Variants in ST7 observed in about 807,000 individuals in gnomAD.
ST7 encodes suppression of tumorigenicity 7.
ST7 carries 28 observed loss-of-function variants against 78.7 expected under a neutral mutation model. The ratio of observed to expected loss-of-function variants is 0.36; its 90% CI spans 0.26 to 0.49. The LOEUF (loss-of-function observed/expected upper bound fraction) is 0.49, where lower values mean the gene tolerates loss of function less well. Ranked by LOEUF, ST7 falls within the 20% of genes least tolerant of loss-of-function variation. ST7 has a pLI of 0.99. For synonymous variants in ST7, 247 were observed against 249.6 expected, an observed-to-expected ratio of 0.99 and a Z score of 0.10; for missense variants, 418 against 696.0, an observed-to-expected ratio of 0.60 and a Z score of 4.49.
At chr7:117,158,497 T>A (rs1806875147) in intron 9 of ST7, among the ~76,000 whole-genome samples, 1 of 152,230 alleles carries the variant, frequency 6.6e-6, no homozygotes, top group African/African-American at 2.4e-5. Context: ...TTCTCTTTAG[T>A]TCTCAATGAT....
intron 1 of ST7, among the ~76,000 whole-genome samples, chr7:116,964,821 A>T (rs900538637): frequency 1.8e-4 from 28 of 152,334 alleles, no homozygotes; most frequent in African/African-American, 6.5e-4. Flanking sequence ...CCAAACTGGA[A>T]GTTGTATATG....
At chr7:117,112,814 G>A (rs556316120) in intron 2 of ST7, 1 of 152,370 alleles carries the variant, frequency 6.6e-6, no homozygotes, top group East Asian at 1.9e-4. Context: ...TGAGAGAGAT[G>A]CTGTGAGGGC....
At chr7:116,978,997 A>G (rs1245535221) in intron 1 of ST7, among the ~76,000 whole-genome samples, 3 of 152,226 alleles carry the variant, frequency 2.0e-5, no homozygotes, top group Non-Finnish European at 4.4e-5. Context: ...AGGATAGCAC[A>G]GTACCCTGGA....
At chr7:116,978,659 C>T (rs1210330133) in intron 1 of ST7, among the ~76,000 whole-genome samples, 1 of 152,074 alleles carries the variant, frequency 6.6e-6, no homozygotes, top group Non-Finnish European at 1.5e-5. Flanking sequence ...AATCTTGGCT[C>T]ACTGCAAACC....
intron 1 of ST7, among the ~76,000 whole-genome samples, chr7:117,015,278 T>C (rs1333876006): frequency 5.9e-5 from 9 of 152,192 alleles, no homozygotes; most frequent in Admixed American, 2.6e-4. Context: ...CTCCAACCCA[T>C]AGTTAATCCA....
intron 2 of ST7, among the ~76,000 whole-genome samples, chr7:117,105,555 T>C (rs529389414): frequency 1.2e-4 from 19 of 152,332 alleles, no homozygotes; most frequent in African/African-American, 4.3e-4. Flanking sequence ...GTGCTGGGAT[T>C]ACAGGCGTGA....
intron 13 of ST7, among the ~76,000 whole-genome samples, chr7:117,212,459 A>G (rs570431293): frequency 6.6e-6 from 1 of 152,334 alleles, no homozygotes; most frequent in Admixed American, 6.5e-5. Context: ...TGAAATTTAC[A>G]TCACTACTTA....
chr7:117,194,022 C>T (rs1334851117), intron 12 of ST7, among the ~76,000 whole-genome samples: 4 of 152,170 alleles, frequency 2.6e-5, no homozygotes, highest in Non-Finnish European at 5.9e-5. Context: ...GGAAGTGTTG[C>T]TCCTTACTAC....
chr7:117,050,035 T>A (rs1797693505), intron 1 of ST7, among the ~76,000 whole-genome samples: 1 of 143,556 alleles, frequency 7.0e-6, no homozygotes, highest in Non-Finnish European at 1.5e-5. Flanking sequence ...TGAAACCCTG[T>A]CTCTACTAAA....
At chr7:117,122,785 C>A (rs1454073189) in intron 3 of ST7, among the ~76,000 whole-genome samples, 2 of 152,152 alleles carry the variant, frequency 1.3e-5, no homozygotes, top group Non-Finnish European at 2.9e-5. Flanking sequence ...TGCCAGATAC[C>A]ACTGGAATAA....
At chr7:117,125,478 A>AT (rs1241446980) in intron 3 of ST7, among the ~76,000 whole-genome samples, 2 of 152,084 alleles carry the variant, frequency 1.3e-5, no homozygotes, top group African/African-American at 4.8e-5. Context: ...CTACCTACAT[A>AT]TTTTTGTGCC....
At chr7:116,994,096 GT>G (rs1187494713) in intron 1 of ST7, among the ~76,000 whole-genome samples, 1 of 152,130 alleles carries the variant, frequency 6.6e-6, no homozygotes, top group Non-Finnish European at 1.5e-5. Context: ...CGTCACCACT[GT>G]TTATCTCTAG....
At chr7:116,979,958 C>CTCTTTTT (rs1554421171) in intron 1 of ST7, among the ~76,000 whole-genome samples, 4 of 86,240 alleles carry the variant, frequency 4.6e-5, no homozygotes, top group African/African-American at 1.3e-4. Context: ...TTTTGTTTCT[C>CTCTTTTT]TTTTTTTTTT....
intron 12 of ST7, among the ~76,000 whole-genome samples, chr7:117,195,715 C>T (rs562484761): frequency 3.2e-4 from 48 of 152,218 alleles, no homozygotes; most frequent in Admixed American, 3.0e-3. Context: ...TGCAGATAAC[C>T]GCTCCCATGA....
chr7:117,117,878 C>G (rs1803014926), intron 2 of ST7: 1 of 152,170 alleles, frequency 6.6e-6, no homozygotes, highest in South Asian at 2.1e-4. Context: ...GTTGAAGAAA[C>G]CGACGTTCAG....
intron 10 of ST7, among the ~76,000 whole-genome samples, chr7:117,178,909 G>A (rs1035544146): frequency 2.6e-5 from 4 of 152,162 alleles, no homozygotes; most frequent in Non-Finnish European, 5.9e-5. Context: ...TTCTCCCTAA[G>A]ATGACCTTTT....
intron 1 of ST7, among the ~76,000 whole-genome samples, chr7:117,078,807 A>G (rs1297196162): frequency 6.6e-6 from 1 of 152,178 alleles, no homozygotes; most frequent in Non-Finnish European, 1.5e-5. Flanking sequence ...TTAGTGTTTC[A>G]TTTACCTTAT....
intron 1 of ST7, among the ~76,000 whole-genome samples, chr7:117,050,261 G>A (rs1797711641): frequency 6.6e-6 from 1 of 151,934 alleles, no homozygotes; most frequent in African/African-American, 2.4e-5. Context: ...ACCTGTGAGA[G>A]ATCACTTACT....
At chr7:117,045,066 A>C (rs1469457146) in intron 1 of ST7, among the ~76,000 whole-genome samples, 1 of 152,080 alleles carries the variant, frequency 6.6e-6, no homozygotes, top group Non-Finnish European at 1.5e-5. Flanking sequence ...ACTGCCAGTA[A>C]GTGTTGTTGA....
Sources: allele counts gnomAD v4.1 joint callset (sites outside exome capture counted in the v4.1 genomes callset), GRCh38; gene constraint gnomAD v4.1.1; transcripts MANE v1.5; gene names NCBI Gene and HGNC (gene_info 2026-07-23, HGNC 2026-07-21).